The following PRIMA1 variants were observed in gnomAD, a reference collection of about 807,000 sequenced individuals.
PRIMA1 encodes proline-rich membrane anchor 1.
Under a neutral mutation model 17.5 loss-of-function variants are expected in PRIMA1, and 7 were observed. The observed-to-expected ratio is 0.40, with a 90% CI of 0.23 to 0.75. PRIMA1 has a LOEUF of 0.75. PRIMA1 is among the 30% of genes least tolerant of loss of function. The pLI, the probability that PRIMA1 is intolerant of heterozygous loss-of-function variation, is 0.37. For missense variants in PRIMA1, 200 were observed against 201.8 expected (o/e 0.99, Z 0.05); for synonymous variants, 97 against 77.9 (o/e 1.25, Z -1.29).
chr14:93,726,791 C>T lies in PRIMA1; in HGVS notation c.360-5245G>A, dbSNP rs573760202. On this transcript the variant is annotated intron_variant, in intron 4 of 4. Transcript: ENST00000393140. The surrounding 1 kb of genome is among the most constrained non-coding windows in gnomAD (Gnocchi z 4.2). ...AATCCACACACACAAACAATATACA[C>T]ATACACACATGTACTTCAACACACA... Among the ~76,000 whole-genome samples the T allele has an allele frequency of 1.3e-5, 2 of 152,070 alleles. No homozygotes were observed. The highest frequency in any genetic ancestry group is 2.9e-5 in the Non-Finnish European group (2 of 68,008).
intron 4 of PRIMA1, among the ~76,000 whole-genome samples, chr14:93,734,277 C>T (rs1033456307): frequency 6.6e-6 from 1 of 152,196 alleles, no homozygotes; most frequent in African/African-American, 2.4e-5. Flanking sequence ...CCTGTGCCCC[C>T]GGGAGGCCGA....
rs1566976836 is a variant in PRIMA1, at chr14:93,773,639, C to T, written c.229+5537G>A. ...AGTGGAGATGCTGCTTGAGAACCTT[C>T]CGCTTCACCAGATCCCTTTCCTGCT... On this transcript the variant is annotated intron_variant, in intron 3 of 4. Coordinates refer to ENST00000393140, the MANE Select transcript of PRIMA1 (RefSeq NM_178013.4). 2.6e-5 allele frequency among the ~76,000 whole-genome samples: 4 copies of T among 152,226 alleles called. No individual in the cohort carries two copies. The South Asian group carries it at 8.3e-4, about 32-fold the overall frequency.
At chr14:93,764,196 CT>C (rs774055097) in intron 3 of PRIMA1, among the ~76,000 whole-genome samples, 1 of 152,066 alleles carries the variant, frequency 6.6e-6, no homozygotes, top group Non-Finnish European at 1.5e-5. Context: ...GCCCTCACCC[CT>C]CTGGCTCATC....
At chr14:93,787,877 G>A in intron 1 of PRIMA1, 128 bp from the exon 2 acceptor site, 1 of 1,064,252 alleles carries the variant, frequency 9.4e-7, no homozygotes, top group Non-Finnish European at 1.3e-6. Context: ...AGTAAACCAA[G>A]CCTGCACTTA....
chr14:93,731,057 G>C (rs1316939500), intron 4 of PRIMA1, among the ~76,000 whole-genome samples: 1 of 152,220 alleles, frequency 6.6e-6, no homozygotes, highest in African/African-American at 2.4e-5. Flanking sequence ...ATTTGACTGT[G>C]TTGAGAGGAG....
rs1238655477 is a variant in PRIMA1 at position 93,747,669 on chromosome 14, AGT to A, written c.230-10301_230-10300del. ...TATTGTGTATGAGTGTGTGAGAGTG[AGT>A]GTGTGACAGAGTACATGGGAGTGCA... On this transcript the variant is annotated intron_variant, in intron 3 of 4. Coordinates refer to ENST00000393140, the MANE Select transcript of PRIMA1 (RefSeq NM_178013.4). 4.8e-5 allele frequency among the ~76,000 whole-genome samples: 7 copies of A among 145,022 alleles called. No homozygotes were observed. In the East Asian group the frequency reaches 8.4e-4, roughly 17 times the overall value.
chr14:93,766,270 C>A (rs1015538907), intron 3 of PRIMA1, among the ~76,000 whole-genome samples: 3 of 152,184 alleles, frequency 2.0e-5, no homozygotes, highest in Admixed American at 6.5e-5. Context: ...TGGGTAACAG[C>A]AGAGGCAAAG....
Position 93,721,651 on chromosome 14 carries a change from C to T in PRIMA1, c.360-105G>A, listed in dbSNP as rs538568216. The T allele has an allele frequency of 7.6e-4, 533 of 697,686 alleles. 5 individuals are homozygous for T. The highest frequency in any genetic ancestry group is 4.1e-3 in the Middle Eastern group (17 of 4,144). The allele number at this position is 697,686 out of a possible 1,614,324, so 43.2% of individuals were successfully genotyped here. On this transcript the variant is annotated intron_variant, in intron 4 of 4. Transcript: ENST00000393140. ...TAACCTCCAGCTAGCATCCCTGCTCCGTGAGAGTGTCAGAAGGAAGCCAAT... is the reference window on the plus strand; with the variant it reads ...TAACCTCCAGCTAGCATCCCTGCTCTGTGAGAGTGTCAGAAGGAAGCCAAT...
chr14:93,782,026 G>A (rs1461349135), intron 2 of PRIMA1, among the ~76,000 whole-genome samples: 1 of 151,702 alleles, frequency 6.6e-6, no homozygotes, highest in African/African-American at 2.4e-5. Flanking sequence ...CCAGCACTTT[G>A]GGAGGCCAAG....
intron 3 of PRIMA1, among the ~76,000 whole-genome samples, chr14:93,778,820 T>C (rs1314437083): frequency 1.3e-5 from 2 of 152,152 alleles, no homozygotes; most frequent in East Asian, 3.8e-4. Flanking sequence ...ATGTAAATTA[T>C]AATAGAGAAA....
intron 3 of PRIMA1, among the ~76,000 whole-genome samples, chr14:93,747,885 AGTG>A (rs1314874098): frequency 1.5e-5 from 2 of 133,576 alleles, no homozygotes; most frequent in Non-Finnish European, 3.2e-5. Flanking sequence ...TGAGTGGGAG[AGTG>A]TGTGTATGAG....
At chr14:93,758,743 G>A (rs753887975) in intron 3 of PRIMA1, among the ~76,000 whole-genome samples, 4 of 152,172 alleles carry the variant, frequency 2.6e-5, no homozygotes, top group African/African-American at 9.7e-5. Context: ...TGGAGTCCCT[G>A]GATCAACTCA....
intron 4 of PRIMA1, among the ~76,000 whole-genome samples, chr14:93,735,886 A>C (rs1412691384): frequency 6.6e-6 from 1 of 151,978 alleles, no homozygotes; most frequent in Non-Finnish European, 1.5e-5. Context: ...ACGGGGTTTC[A>C]CCATGTGGGT....
At chr14:93,731,491 G>C (rs891347150) in intron 4 of PRIMA1, among the ~76,000 whole-genome samples, 1 of 152,046 alleles carries the variant, frequency 6.6e-6, no homozygotes, top group African/African-American at 2.4e-5. Context: ...GTATTCCTTT[G>C]ATAAAAATTA....
intron 3 of PRIMA1, among the ~76,000 whole-genome samples, chr14:93,747,613 G>T (rs1005587188): frequency 4.0e-5 from 6 of 151,258 alleles, no homozygotes; most frequent in African/African-American, 1.5e-4. Context: ...GTGTGTGAGA[G>T]TGTGTGGGGG....
At chr14:93,745,574 C>T (rs143677883) in intron 3 of PRIMA1, among the ~76,000 whole-genome samples, 1 of 152,348 alleles carries the variant, frequency 6.6e-6, no homozygotes, top group African/African-American at 2.4e-5. Flanking sequence ...ACCGCTGGGG[C>T]AGTGCCTTCC....
At chr14:93,759,760 C>T (rs765054867) in intron 3 of PRIMA1, among the ~76,000 whole-genome samples, 1 of 152,204 alleles carries the variant, frequency 6.6e-6, no homozygotes, top group Non-Finnish European at 1.5e-5. Flanking sequence ...GCAGCTCTGT[C>T]CCCGGGAGCC....
At chr14:93,739,471 T>C (rs1031304200) in intron 3 of PRIMA1, among the ~76,000 whole-genome samples, 1 of 152,228 alleles carries the variant, frequency 6.6e-6, no homozygotes, top group Non-Finnish European at 1.5e-5. Flanking sequence ...CATTTTCCTA[T>C]TTCTCTTGGA....
Position 93,726,309 on chromosome 14 carries a change from A to G in PRIMA1, c.360-4763T>C, listed in dbSNP as rs1038068780. Among the ~76,000 whole-genome samples, 1 of 152,180 alleles carries G rather than the reference A, an allele frequency of 6.6e-6. No individual in the cohort carries two copies. The highest frequency in any genetic ancestry group is 2.4e-5 in the African/African-American group (1 of 41,442). The stretch of plus-strand genomic sequence containing the variant: ...ATCATGATGTGACAGCCTCCCGCTC[A>G]GCCTGCTGCTCTGTGGGGATGGAGG... On this transcript the variant is annotated intron_variant, in intron 4 of 4. Transcript: ENST00000393140. This position sits in a 1 kb window ranked among gnomAD's most constrained non-coding sequence, Gnocchi z 4.2.
Sources: gnomAD v4.1 joint callset for allele counts (sites outside exome capture counted in the v4.1 genomes callset) on GRCh38, gnomAD v4.1.1 for gene constraint, Gnocchi (gnomAD v3.1) non-coding constraint, MANE v1.5 for transcripts, NCBI Gene and HGNC (gene_info 2026-07-23, HGNC 2026-07-21) for gene names.